Variants in RUNX1T1 observed in about 807,000 individuals in gnomAD.
RUNX1T1 encodes protein CBFA2T1.
In RUNX1T1, 4 loss-of-function variants were observed where a neutral mutation model predicts 62.8. That is an observed-to-expected ratio of 0.06 (90% CI 0.03 to 0.15). RUNX1T1 has a LOEUF of 0.15. Ranked by LOEUF, RUNX1T1 falls within the 10% of genes least tolerant of loss-of-function variation. RUNX1T1 has a pLI of 1.00. For synonymous variants in RUNX1T1, 291 were observed against 286.0 expected (o/e 1.02, Z -0.18); for missense variants, 508 against 754.3 (o/e 0.67, Z 3.82).
At chr8:92,018,099 C>T (rs563990387) in intron 1 of RUNX1T1, among the ~76,000 whole-genome samples, 4 of 152,204 alleles carry the variant, frequency 2.6e-5, no homozygotes, top group East Asian at 1.9e-4. Flanking sequence ...CTAGACACTG[C>T]TAATATTTTT....
At position 92,044,165 on chromosome 8, in the gene RUNX1T1, C is replaced by A. The variant is rs191102529; in HGVS notation, c.7+18381G>T. 4.3e-4 allele frequency among the ~76,000 whole-genome samples: 65 copies of A among 152,206 alleles called. No individual in the cohort carries two copies. The East Asian group carries it at 8.1e-3, about 19-fold the overall frequency. On this transcript the variant is annotated intron_variant, in intron 1 of 10. Transcript: ENST00000396218. ...CATGGTAAATAATGCACCTTCGCTA[C>A]CTGCTCTTAAAAATCCTTGATAAGT...
intron 4 of RUNX1T1, among the ~76,000 whole-genome samples, chr8:92,007,984 A>G (rs543359529): frequency 0.028 from 4,217 of 150,170 alleles, 212 homozygotes; most frequent in African/African-American, 0.099. Context: ...AAAAAAAAAA[A>G]AAAGAAAGAA....
upstream of RUNX1T1, chr8:92,063,105 A>C (rs1832339919): frequency 6.1e-6 from 2 of 329,040 alleles, no homozygotes. Context: ...CTGTATTAAA[A>C]AAAAAAAGGT....
At chr8:91,993,170 A>T (rs1472941104) in intron 5 of RUNX1T1, among the ~76,000 whole-genome samples, 1 of 152,148 alleles carries the variant, frequency 6.6e-6, no homozygotes, top group Non-Finnish European at 1.5e-5. Flanking sequence ...GCATAGAGGC[A>T]CTTCTTCTAC....
In RUNX1T1 at chr8:92,017,368, A is replaced by G. The variant is rs1163116095; in HGVS notation, c.8-5T>C. 3.1e-6 allele frequency: 5 copies of G among 1,613,838 alleles called. No homozygotes were observed. The African/African-American group carries it at 6.7e-5, about 22-fold the overall frequency. ...TGGAGTGCTTCTCAGTACGATCTGG[A>G]GGATGCCACCAGGAACATATTATTT... is the stretch of plus-strand genomic sequence containing the variant. On this transcript the variant is annotated splice_region_variant and splice_polypyrimidine_tract_variant and intron_variant, in intron 1 of 10. Transcript: ENST00000396218.
intron 1 of RUNX1T1, among the ~76,000 whole-genome samples, chr8:92,029,337 A>G (rs1825820372): frequency 6.6e-6 from 1 of 152,194 alleles, no homozygotes; most frequent in Non-Finnish European, 1.5e-5. Context: ...GGGCAGGAGT[A>G]CTGGATAGCA....
At chr8:92,080,741 G>A (rs554033621) in intron 1 of RUNX1T1, among the ~76,000 whole-genome samples, 12 of 152,324 alleles carry the variant, frequency 7.9e-5, no homozygotes, top group African/African-American at 2.2e-4. Context: ...CACACAAAAG[G>A]TGTTCACTAA....
chr8:92,096,888 G>A (rs1386507279), intron 1 of RUNX1T1, among the ~76,000 whole-genome samples: 2 of 152,088 alleles, frequency 1.3e-5, no homozygotes, highest in East Asian at 3.9e-4. Flanking sequence ...TAGAAAATGA[G>A]GAGAAGCATT....
At chr8:91,976,927 G>A (rs1174675290) in intron 8 of RUNX1T1, among the ~76,000 whole-genome samples, 1 of 152,022 alleles carries the variant, frequency 6.6e-6, no homozygotes, top group Non-Finnish European at 1.5e-5. Context: ...TAAATTCTGA[G>A]GAAAACTGAA....
chr8:92,095,638 A>G, intron 1 of RUNX1T1: 2 of 1,245,668 alleles, frequency 1.6e-6, no homozygotes, highest in African/African-American at 1.6e-5. Context: ...GAAGACAGAA[A>G]GGGACAGGCA....
exon 5 of RUNX1T1, chr8:92,005,229 C>A (rs1470755915): frequency 6.2e-7 from 1 of 1,613,844 alleles, no homozygotes; most frequent in Non-Finnish European, 8.5e-7. Flanking sequence ...GGGCGAGGTA[C>A]TGGGCAGGGT....
At chr8:92,028,197 T>TC (rs34910661) in intron 1 of RUNX1T1, among the ~76,000 whole-genome samples, 26,678 of 135,508 alleles carry the variant, frequency 0.2, 2,528 homozygotes, top group Middle Eastern at 0.27. Context: ...TTAGTAATTC[T>TC]TTTTTTTTTT....
intron 1 of RUNX1T1, among the ~76,000 whole-genome samples, chr8:92,097,775 G>C (rs1436721511): frequency 1.3e-5 from 2 of 152,136 alleles, no homozygotes. Context: ...TTAGTACCTT[G>C]TTTGTTCATT....
chr8:92,071,845 T>C (rs576418108), intron 2 of RUNX1T1, among the ~76,000 whole-genome samples: 1 of 152,314 alleles, frequency 6.6e-6, no homozygotes, highest in South Asian at 2.1e-4. Context: ...CCGCAAGAAC[T>C]GCCCGGAGCA....
At chr8:91,982,144 G>A (rs2130781474) in intron 8 of RUNX1T1, among the ~76,000 whole-genome samples, 1 of 151,220 alleles carries the variant, frequency 6.6e-6, no homozygotes, top group East Asian at 1.9e-4. Flanking sequence ...ATTACTTAGG[G>A]GGCTGAGGTG....
At chr8:91,959,846 A>G in exon 11 of RUNX1T1, 1 of 282,020 alleles carries the variant, frequency 3.5e-6, no homozygotes, top group Non-Finnish European at 6.8e-6. Context: ...TTTTAATATT[A>G]GCATTTTTGC....
chr8:92,022,075 C>T (rs987279549), intron 1 of RUNX1T1, among the ~76,000 whole-genome samples: 4 of 151,760 alleles, frequency 2.6e-5, no homozygotes, highest in Non-Finnish European at 4.4e-5. Context: ...ATATTATACA[C>T]CCAAACATTC....
intron 2 of RUNX1T1, among the ~76,000 whole-genome samples, chr8:92,070,322 G>A (rs1385553514): frequency 6.6e-6 from 1 of 152,164 alleles, no homozygotes; most frequent in Non-Finnish European, 1.5e-5. Context: ...ACACTAGTTA[G>A]GAATATTGGC....
At chr8:92,072,413 A>G (rs1439643648) in intron 2 of RUNX1T1, among the ~76,000 whole-genome samples, 1 of 152,214 alleles carries the variant, frequency 6.6e-6, no homozygotes, top group Non-Finnish European at 1.5e-5. Flanking sequence ...CATATCCTTT[A>G]AAAGATAAGA....
Sources: allele counts gnomAD v4.1 joint callset (sites outside exome capture counted in the v4.1 genomes callset), GRCh38; gene constraint gnomAD v4.1.1; transcripts MANE v1.5; gene names NCBI Gene and HGNC (gene_info 2026-07-23, HGNC 2026-07-21).